TRARG1: variants seen among roughly 807,000 people sequenced by gnomAD.
TRARG1 encodes the protein trafficking regulator of GLUT4 (SLC2A4) 1 (gene/pseudogene), also known as trafficking regulator of GLUT4 1.
A neutral mutation model predicts 13.3 loss-of-function variants in TRARG1; 16 were observed. The observed-to-expected ratio is 1.20, with a 90% CI of 0.81 to 1.83. TRARG1 has a LOEUF of 1.83. TRARG1 is among the 40% of genes most tolerant of loss of function. TRARG1 has a pLI of 0.00. For synonymous variants in TRARG1, 113 were observed against 106.2 expected (o/e 1.06, Z -0.39); for missense variants, 250 against 237.4 (o/e 1.05, Z -0.35).
At chr17:1,295,373 G>C in intron 1 of TRARG1, 118 bp from the exon 2 acceptor site, 2 of 1,317,210 alleles carry the variant, frequency 1.5e-6, no homozygotes, top group Non-Finnish European at 2.1e-6. Flanking sequence ...GGCTGCCATG[G>C]GGACGGGATG....
intron 1 of TRARG1, among the ~76,000 whole-genome samples, chr17:1,283,996 T>C (rs1454652738): frequency 1.3e-5 from 2 of 151,694 alleles, no homozygotes; most frequent in East Asian, 3.9e-4. Context: ...GCGCCTGTAG[T>C]CCCAGCTACT....
chr17:1,279,972 G>C lies in TRARG1; in HGVS notation c.-30G>C, dbSNP rs374016638. The C allele has an allele frequency of 1.0e-5, 16 of 1,584,072 alleles. No individual in the cohort carries two copies. The highest frequency in any genetic ancestry group is 4.5e-5 in the East Asian group (2 of 44,564). ...CTCCAGAGCCCCTTGTCCCAGCCTG[G>C]AGCTGCAGCCGCGCAAGGCCCAGGC... On this transcript the variant is annotated 5_prime_UTR_variant, in exon 1 of 3. Transcript: ENST00000333813.
At chr17:1,297,729 G>C (rs1160417467) in intron 2 of TRARG1, among the ~76,000 whole-genome samples, 1 of 150,994 alleles carries the variant, frequency 6.6e-6, no homozygotes, top group African/African-American at 2.4e-5. Context: ...TCAGCCTCCT[G>C]AGTAGCTGGG....
At chr17:1,291,619 G>A (rs35713312) in intron 1 of TRARG1, among the ~76,000 whole-genome samples, 43,543 of 151,938 alleles carry the variant, frequency 0.29, 6,410 homozygotes, top group East Asian at 0.42. Context: ...TGTGAGAACG[G>A]CCTACCACAG....
At chr17:1,286,406 G>GT (rs2072020597) in intron 1 of TRARG1, among the ~76,000 whole-genome samples, 3 of 137,290 alleles carry the variant, frequency 2.2e-5, no homozygotes, top group Non-Finnish European at 1.5e-5. Context: ...TTATCGGCCT[G>GT]CGGGTTGTTA....
chr17:1,293,450 T>C (rs190192834), intron 1 of TRARG1, among the ~76,000 whole-genome samples: 7 of 151,714 alleles, frequency 4.6e-5, no homozygotes, highest in Non-Finnish European at 1.0e-4. Context: ...AGTTTGATGA[T>C]GTCGTGGGTT....
At position 1,279,987 on chromosome 17, in the gene TRARG1, A is replaced by G; in HGVS notation, c.-15A>G. ...TCCCAGCCTGGAGCTGCAGCCGCGCAAGGCCCAGGCCCCCATGGCCCACCC... is the reference window on the plus strand; with the variant it reads ...TCCCAGCCTGGAGCTGCAGCCGCGCGAGGCCCAGGCCCCCATGGCCCACCC... On this transcript the variant is annotated 5_prime_UTR_variant, in exon 1 of 3. Coordinates refer to ENST00000333813, the MANE Select transcript of TRARG1 (RefSeq NM_172367.3). The G allele has an allele frequency of 3.8e-6, 6 of 1,597,880 alleles. No homozygotes were observed. The Admixed American group carries it at 5.1e-5, about 14-fold the overall frequency.
chr17:1,291,596 C>A lies in TRARG1; in HGVS notation c.388-3895C>A, dbSNP rs918994313. On this transcript the variant is annotated intron_variant, in intron 1 of 2. Transcript: ENST00000333813. The stretch of plus-strand genomic sequence containing the variant: ...TATGAATTACCGAGTCTAGGGCATG[C>A]CTTTATTAGCGGTGTGAGAACGGCC... 3.9e-5 allele frequency among the ~76,000 whole-genome samples: 6 copies of A among 152,266 alleles called. No individual in the cohort carries two copies. In the South Asian group the frequency reaches 8.3e-4, roughly 21 times the overall value.
At chr17:1,297,970 CAA>C (rs1306118092) in intron 2 of TRARG1, among the ~76,000 whole-genome samples, 3 of 152,146 alleles carry the variant, frequency 2.0e-5, no homozygotes, top group African/African-American at 4.8e-5. Flanking sequence ...AGTTAGATAG[CAA>C]AAGTCTCAGG....
intron 1 of TRARG1, among the ~76,000 whole-genome samples, chr17:1,289,760 G>A (rs995398632): frequency 3.3e-5 from 5 of 151,774 alleles, no homozygotes; most frequent in South Asian, 2.1e-4. Flanking sequence ...CCCGTGTGAC[G>A]ACTCCTGCAT....
chr17:1,288,291 G>A (rs141904798), intron 1 of TRARG1, among the ~76,000 whole-genome samples: 266 of 34,392 alleles, frequency 7.7e-3, no homozygotes, highest in African/African-American at 0.031. Flanking sequence ...ATCCCCCACC[G>A]GGTTCCCCAT....
intron 2 of TRARG1, among the ~76,000 whole-genome samples, chr17:1,295,934 G>A (rs1725365398): frequency 6.6e-6 from 1 of 152,178 alleles, no homozygotes; most frequent in East Asian, 1.9e-4. Context: ...GACCAGGGTC[G>A]GTTCCTGACT....
chr17:1,296,516 C>CTTT (rs5818791), intron 2 of TRARG1, among the ~76,000 whole-genome samples: 1 of 136,536 alleles, frequency 7.3e-6, no homozygotes, highest in Non-Finnish European at 1.6e-5. Flanking sequence ...TTTTCTCTTT[C>CTTT]TTTTTTTTTT....
At chr17:1,284,764 T>C (rs1020547372) in intron 1 of TRARG1, among the ~76,000 whole-genome samples, 4 of 151,994 alleles carry the variant, frequency 2.6e-5, no homozygotes, top group Non-Finnish European at 4.4e-5. Context: ...CACTGCAAGC[T>C]CCACCTCCCG....
chr17:1,288,114 C>T (rs2072036492), intron 1 of TRARG1, among the ~76,000 whole-genome samples: 1 of 151,982 alleles, frequency 6.6e-6, no homozygotes, highest in Non-Finnish European at 1.5e-5. Flanking sequence ...CTCTCTTCCT[C>T]TCCCGTCTGG....
At chr17:1,292,625 C>G (rs905795421) in intron 1 of TRARG1, among the ~76,000 whole-genome samples, 5 of 152,248 alleles carry the variant, frequency 3.3e-5, no homozygotes, top group African/African-American at 1.2e-4. Context: ...TCGCACATGG[C>G]TGTTATCTCT....
chr17:1,291,502 G>A (rs1466170810), intron 1 of TRARG1, among the ~76,000 whole-genome samples: 3 of 152,166 alleles, frequency 2.0e-5, no homozygotes, highest in Non-Finnish European at 2.9e-5. Context: ...CGCCCCTTCC[G>A]CCATGATTGT....
rs1242436042 is a variant in TRARG1, at chr17:1,282,174, ACACG to A, written c.387+1787_387+1790del. On this transcript the variant is annotated intron_variant, in intron 1 of 2. Coordinates refer to ENST00000333813, the MANE Select transcript of TRARG1 (RefSeq NM_172367.3). ...TATACACGTGCATATATGTACGTAT[ACACG>A]TGCGTATATGTACGTGTACACGTGC... is the stretch of plus-strand genomic sequence containing the variant. Among the ~76,000 whole-genome samples the A allele has an allele frequency of 1.2e-3, 177 of 144,730 alleles. 4 individuals are homozygous for A. Among genetic ancestry groups the A allele is most frequent in the Non-Finnish European group, 1.3e-3 (90 of 67,098 alleles). The allele number at this position is 144,730 out of a possible 152,430, so 94.9% of individuals were successfully genotyped here. A position where few individuals can be genotyped will look rare whatever the true frequency, so the allele number is the denominator to read the frequency against.
At chr17:1,293,462 GGTTTGATGATGTCGTGGGTTGA>G (rs1356436682) in intron 1 of TRARG1, among the ~76,000 whole-genome samples, 3 of 150,914 alleles carry the variant, frequency 2.0e-5, no homozygotes, top group Non-Finnish European at 4.4e-5. Context: ...TCGTGGGTTG[GGTTTGATGATGTCGTGGGTTGA>G]GTTTGATGAT....
Sources: allele counts gnomAD v4.1 joint callset (sites outside exome capture counted in the v4.1 genomes callset), GRCh38; gene constraint gnomAD v4.1.1; transcripts MANE v1.5; gene names NCBI Gene and HGNC (gene_info 2026-07-23, HGNC 2026-07-21).